Variants in PDE4B observed in about 807,000 individuals in gnomAD.
PDE4B encodes the protein phosphodiesterase 4B, also known as 3',5'-cyclic-AMP phosphodiesterase 4B.
In PDE4B, 20 loss-of-function variants were observed where a neutral mutation model predicts 82.2. That is an observed-to-expected ratio of 0.24 (90% CI 0.17 to 0.35). PDE4B has a LOEUF of 0.35. PDE4B is among the 10% of genes least tolerant of loss of function. PDE4B has a pLI of 1.00. For missense variants in PDE4B, 655 were observed against 907.2 expected, an observed-to-expected ratio of 0.72 and a Z score of 3.57; for synonymous variants, 320 against 318.9, an observed-to-expected ratio of 1.00 and a Z score of -0.04.
chr1:66,144,161 G>A (rs958721908), intron 3 of PDE4B, among the ~76,000 whole-genome samples: 2 of 152,206 alleles, frequency 1.3e-5, no homozygotes, highest in Non-Finnish European at 2.9e-5. Flanking sequence ...AAACTTTCCA[G>A]ATTTTCCCAA....
chr1:66,039,319 A>C (rs1449116076), intron 3 of PDE4B, among the ~76,000 whole-genome samples: 1 of 152,124 alleles, frequency 6.6e-6, no homozygotes, highest in Non-Finnish European at 1.5e-5. Context: ...AAAAGACTTC[A>C]TAATTTGGAA....
At chr1:65,976,342 T>G (rs2503201) in intron 3 of PDE4B, among the ~76,000 whole-genome samples, 1 of 152,044 alleles carries the variant, frequency 6.6e-6, no homozygotes, top group Non-Finnish European at 1.5e-5. Context: ...AGCATTTACA[T>G]AATTCCTGTA....
intron 3 of PDE4B, among the ~76,000 whole-genome samples, chr1:65,935,771 A>G (rs1648093273): frequency 6.6e-6 from 1 of 152,068 alleles, no homozygotes; most frequent in Non-Finnish European, 1.5e-5. Context: ...GAGAAACCCC[A>G]TCTCTAATAA....
At chr1:65,841,251 T>C (rs1571001261) in intron 1 of PDE4B, among the ~76,000 whole-genome samples, 1 of 151,710 alleles carries the variant, frequency 6.6e-6, no homozygotes, top group South Asian at 2.1e-4. Context: ...TGAGCCAAGA[T>C]TGTCACCACT....
At chr1:65,828,161 T>G (rs1646040291) in intron 1 of PDE4B, among the ~76,000 whole-genome samples, 1 of 117,100 alleles carries the variant, frequency 8.5e-6, no homozygotes, top group South Asian at 2.7e-4. Context: ...AGGAATGTCA[T>G]ATAGATCAAA....
intron 3 of PDE4B, chr1:66,050,783 A>G (rs1654981034): frequency 6.6e-6 from 1 of 152,180 alleles, no homozygotes; most frequent in Non-Finnish European, 1.5e-5. Context: ...ACATCGAGGT[A>G]TTGGAGATCC....
chr1:65,854,252 T>C (rs1460650012), intron 1 of PDE4B, among the ~76,000 whole-genome samples: 1 of 151,632 alleles, frequency 6.6e-6, no homozygotes, highest in African/African-American at 2.4e-5. Flanking sequence ...GTTCTTTTTT[T>C]GCTTTAAATA....
chr1:66,354,410 G>C, intron 8 of PDE4B: 1 of 987,080 alleles, frequency 1.0e-6, no homozygotes, highest in Non-Finnish European at 1.2e-6. Context: ...TTAAAAGATG[G>C]CTGTGTTTCC....
chr1:66,357,908 T>A (rs1446818412), intron 9 of PDE4B, among the ~76,000 whole-genome samples: 2 of 152,176 alleles, frequency 1.3e-5, no homozygotes, highest in Non-Finnish European at 2.9e-5. Context: ...TACCTGGCCA[T>A]CTAGATTCTC....
At chr1:66,004,074 CTTAGAAAAA>C (rs1468169535) in intron 3 of PDE4B, among the ~76,000 whole-genome samples, 2 of 152,100 alleles carry the variant, frequency 1.3e-5, no homozygotes. Context: ...TTCAACCTAT[CTTAGAAAAA>C]GTAGAAAAAT....
At chr1:66,370,423 A>G (rs1459692427) in intron 16 of PDE4B, among the ~76,000 whole-genome samples, 1 of 152,210 alleles carries the variant, frequency 6.6e-6, no homozygotes, top group Non-Finnish European at 1.5e-5. Context: ...TGCAAGATAG[A>G]TAAAGTAGAT....
intron 12 of PDE4B, among the ~76,000 whole-genome samples, 164 bp downstream of exon 12, chr1:66,363,735 C>A (rs1031673239): frequency 1.3e-5 from 2 of 151,882 alleles, no homozygotes; most frequent in African/African-American, 2.4e-5. Context: ...TATGATTGCT[C>A]CCCTGGACTC....
intron 3 of PDE4B, among the ~76,000 whole-genome samples, chr1:66,045,862 T>C (rs1654683500): frequency 6.6e-6 from 1 of 151,654 alleles, no homozygotes; most frequent in Non-Finnish European, 1.5e-5. Context: ...CTAGGAACCA[T>C]GTATAGTTAA....
intron 3 of PDE4B, among the ~76,000 whole-genome samples, chr1:66,143,037 G>A (rs759709542): frequency 1.3e-5 from 2 of 152,194 alleles, no homozygotes; most frequent in Non-Finnish European, 2.9e-5. Context: ...GATGCAGTAC[G>A]AAGACCATAG....
intron 3 of PDE4B, among the ~76,000 whole-genome samples, chr1:66,238,681 T>C (rs995682661): frequency 6.7e-6 from 1 of 149,676 alleles, no homozygotes; most frequent in African/African-American, 2.5e-5. Context: ...TTCTGGTTTG[T>C]ACAACTGAGT....
chr1:66,246,332 A>C (rs1030732835), intron 3 of PDE4B, among the ~76,000 whole-genome samples: 1 of 152,238 alleles, frequency 6.6e-6, no homozygotes, highest in African/African-American at 2.4e-5. Flanking sequence ...TGGTTGTAAG[A>C]ACTAGTGAAA....
At chr1:66,080,230 G>C (rs916122534) in intron 3 of PDE4B, among the ~76,000 whole-genome samples, 3 of 152,236 alleles carry the variant, frequency 2.0e-5, no homozygotes, top group Admixed American at 1.3e-4. Flanking sequence ...AGTTATTCCA[G>C]TTCATACAGA....
intron 1 of PDE4B, among the ~76,000 whole-genome samples, chr1:65,881,339 A>G (rs1646705973): frequency 6.6e-6 from 1 of 152,080 alleles, no homozygotes. Context: ...GAGGTATAAA[A>G]GGCCTGGTTT....
At chr1:65,986,785 A>C (rs1259666050) in intron 3 of PDE4B, among the ~76,000 whole-genome samples, 2 of 152,192 alleles carry the variant, frequency 1.3e-5, no homozygotes, top group East Asian at 1.9e-4. Context: ...AATATCGACT[A>C]TGATAAACAA....
Sources: gnomAD v4.1 joint callset for allele counts (sites outside exome capture counted in the v4.1 genomes callset) on GRCh38, gnomAD v4.1.1 for gene constraint, MANE v1.5 for transcripts, NCBI Gene and HGNC (gene_info 2026-07-23, HGNC 2026-07-21) for gene names.